The following TNS3 variants were observed in gnomAD, a reference collection of about 807,000 sequenced individuals.
The protein encoded by TNS3 is tensin 3.
In TNS3, 45 loss-of-function variants were observed where a neutral mutation model predicts 140.9. The ratio of observed to expected loss-of-function variants is 0.32; its 90% confidence interval spans 0.25 to 0.41. The LOEUF (loss-of-function observed/expected upper bound fraction) is 0.41, where lower values mean the gene tolerates loss of function less well. Among genes scored for constraint, TNS3 ranks in the 10% least tolerant of loss-of-function variants. TNS3 has a pLI of 1.00. For missense variants in TNS3, 1,716 were observed against 1,906.7 expected (o/e 0.90, Z 1.86); for synonymous variants, 815 against 788.4 (o/e 1.03, Z -0.56).
rs1442160301 is a variant in TNS3, at chr7:47,277,125, C to T, written c.*951G>A. 1 of 152,080 alleles carries T rather than the reference C, an allele frequency of 6.6e-6. No individual in the cohort carries two copies. The highest frequency in any genetic ancestry group is 1.5e-5 in the Non-Finnish European group (1 of 68,018). 9.4% of individuals were successfully genotyped at this position (152,080 alleles called of 1,614,324 possible). A position where few individuals can be genotyped will look rare whatever the true frequency, so the allele number is the denominator to read the frequency against. ...TTGGGCGGCACCGCATATGGGAGAC[C>T]CACAGTCCACTGCACACTCTTTCAG... On this transcript the variant is annotated 3_prime_UTR_variant, in exon 31 of 31. Coordinates refer to ENST00000311160, the MANE Select transcript of TNS3 (RefSeq NM_022748.12).
At chr7:47,470,021 A>C (rs1331972784) in intron 4 of TNS3, among the ~76,000 whole-genome samples, 2 of 151,712 alleles carry the variant, frequency 1.3e-5, no homozygotes, top group African/African-American at 2.4e-5. Context: ...ACACCATGGA[A>C]TACTACAAAC....
At chr7:47,552,419 T>A (rs190681093) in intron 1 of TNS3, among the ~76,000 whole-genome samples, 3 of 152,344 alleles carry the variant, frequency 2.0e-5, no homozygotes, top group African/African-American at 7.2e-5. Flanking sequence ...GATACTCAGT[T>A]TTTTTTAACA....
chr7:47,557,811 A>G (rs1003930907), intron 1 of TNS3, among the ~76,000 whole-genome samples: 1 of 152,264 alleles, frequency 6.6e-6, no homozygotes, highest in Non-Finnish European at 1.5e-5. Flanking sequence ...TCCAACAATG[A>G]ATTATTCCAC....
rs753748871 is a variant in TNS3 at position 47,369,614 on chromosome 7, G to A, written c.1032C>T (p.His344=). 4 of 1,567,978 alleles carry A rather than the reference G, an allele frequency of 2.6e-6. No homozygotes were observed. The highest frequency in any genetic ancestry group is 2.6e-6 in the Non-Finnish European group (3 of 1,156,900). The change falls in exon 17 of 31, where the codon CAC becomes CAT. Residue 344 remains histidine, a synonymous_variant. Coordinates refer to ENST00000311160, the MANE Select transcript of TNS3 (RefSeq NM_022748.12). ...ENLSADGEVL[H]TQGPVDGSLY... ...GGCTGCCATCGACAGGGCCCTGCGT[G>A]TGTAGCACTGCGGGGGAGAAAACCG...
intron 23 of TNS3, among the ~76,000 whole-genome samples, chr7:47,299,461 G>T (rs950895865): frequency 2.0e-5 from 3 of 152,160 alleles, no homozygotes; most frequent in African/African-American, 7.2e-5. Flanking sequence ...TTTTCTCTAA[G>T]TAGGACAAAA....
At chr7:47,385,985 A>G (rs950159615) in intron 16 of TNS3, among the ~76,000 whole-genome samples, 1 of 152,250 alleles carries the variant, frequency 6.6e-6, no homozygotes, top group Non-Finnish European at 1.5e-5. Flanking sequence ...ATCCCAGGTC[A>G]TAAATTAGCT....
intron 16 of TNS3, among the ~76,000 whole-genome samples, chr7:47,389,068 AGAAGAAGAAGAAGAAGAGGAAGAG>A (rs1792299565): frequency 5.0e-5 from 3 of 59,778 alleles, no homozygotes; most frequent in East Asian, 5.3e-4. Context: ...AAGAAGAAGA[AGAAGAAGAAGAAGAAGAGGAAGAG>A]GAAGAGGAAG....
chr7:47,309,822 G>A (rs1786980955), intron 20 of TNS3, among the ~76,000 whole-genome samples: 1 of 152,244 alleles, frequency 6.6e-6, no homozygotes, highest in Non-Finnish European at 1.5e-5. Flanking sequence ...TAGAAAGAGA[G>A]AGCATGTTAA....
At position 47,304,823 on chromosome 7, in the gene TNS3, T is replaced by A. The variant is rs2150726023; in HGVS notation, c.2822+9A>T. Reference sequence around the variant, plus strand: ...AACTTGTGCCAAGTTTAAAGATCCATCTTCTTACCTCTCTCTCCTCTGCCC... The same window carrying A: ...AACTTGTGCCAAGTTTAAAGATCCAACTTCTTACCTCTCTCTCCTCTGCCC... On this transcript the variant is annotated intron_variant, in intron 21 of 30. Transcript: ENST00000311160. The A allele has an allele frequency of 7.4e-7, 1 of 1,350,336 alleles. No homozygotes were observed. Among genetic ancestry groups the A allele is most frequent in the Non-Finnish European group, 9.6e-7 (1 of 1,041,194 alleles). 83.6% of individuals were successfully genotyped at this position (1,350,336 alleles called of 1,614,324 possible).
intron 20 of TNS3, among the ~76,000 whole-genome samples, chr7:47,325,738 C>A (rs1172705759): frequency 6.6e-6 from 1 of 152,180 alleles, no homozygotes; most frequent in African/African-American, 2.4e-5. Context: ...CACAGGACTT[C>A]GAGCCATCCC....
intron 17 of TNS3, among the ~76,000 whole-genome samples, chr7:47,362,615 G>A (rs544860075): frequency 1.1e-4 from 17 of 152,288 alleles, no homozygotes; most frequent in East Asian, 3.9e-4. Flanking sequence ...TCAGAGAGAC[G>A]AGAGCTCTGT....
At position 47,369,558 on chromosome 7, in the gene TNS3, G is replaced by A. The variant is rs1448383299; in HGVS notation, c.1088C>T (p.Ser363Leu). The change falls in exon 17 of 31, where the codon TCG becomes TTG. Residue 363 changes from serine (S) to leucine (L), a missense_variant. Ser to Leu is a moderately radical substitution (Grantham distance 145). Transcript: ENST00000311160. ...GGGGCCACCTGGGATGCCAGGATCC[G>A]AGGAGCTTTTCTTCCTCACCTTCGC... ...LYAKVRKKSSSDPGIPGGPQA... is the reference protein window; with the variant it reads ...LYAKVRKKSSLDPGIPGGPQA... 1.9e-6 allele frequency: 3 copies of A among 1,611,858 alleles called. No homozygotes were observed. Among genetic ancestry groups the A allele is most frequent in the East Asian group, 2.2e-5 (1 of 44,816 alleles).
chr7:47,454,241 C>G (rs1383969564), intron 4 of TNS3, among the ~76,000 whole-genome samples: 1 of 152,196 alleles, frequency 6.6e-6, no homozygotes, highest in Non-Finnish European at 1.5e-5. Flanking sequence ...TCAGACCAGG[C>G]TCAGCTCCAC....
At chr7:47,507,068 C>CG in intron 2 of TNS3, 124 bp from the exon 3 acceptor site, 1 of 732,858 alleles carries the variant, frequency 1.4e-6, no homozygotes, top group Non-Finnish European at 2.0e-6. Context: ...TGGCCTCTCT[C>CG]TGGCACGAGA....
chr7:47,455,010 C>T (rs995836399), intron 4 of TNS3, among the ~76,000 whole-genome samples: 2 of 152,176 alleles, frequency 1.3e-5, no homozygotes, highest in Admixed American at 1.3e-4. Flanking sequence ...CACACAGATC[C>T]CCCTGCAGAG....
intron 1 of TNS3, among the ~76,000 whole-genome samples, chr7:47,529,571 T>C (rs1207650133): frequency 1.3e-5 from 2 of 152,256 alleles, no homozygotes; most frequent in Non-Finnish European, 2.9e-5. Flanking sequence ...AGCATAATTA[T>C]GTTATGAGGA....
chr7:47,363,415 A>G (rs1048154301), intron 17 of TNS3, among the ~76,000 whole-genome samples: 1 of 152,202 alleles, frequency 6.6e-6, no homozygotes, highest in Non-Finnish European at 1.5e-5. Flanking sequence ...GCCTTCACAT[A>G]TAATTTTCAT....
At chr7:47,429,889 A>G (rs1042203641) in intron 8 of TNS3, among the ~76,000 whole-genome samples, 1 of 152,128 alleles carries the variant, frequency 6.6e-6, no homozygotes, top group African/African-American at 2.4e-5. Flanking sequence ...CCTTATAGAT[A>G]CTCAATGCGG....
chr7:47,439,320 G>C (rs1337792187), intron 6 of TNS3, among the ~76,000 whole-genome samples, 167 bp downstream of exon 6: 2 of 152,194 alleles, frequency 1.3e-5, no homozygotes, highest in Non-Finnish European at 2.9e-5. Context: ...CTCCTCCCCA[G>C]GCGTGGCAGC....
Sources: gnomAD v4.1 joint callset for allele counts (sites outside exome capture counted in the v4.1 genomes callset) on GRCh38, gnomAD v4.1.1 for gene constraint, MANE v1.5 for transcripts, NCBI Gene and HGNC (gene_info 2026-07-23, HGNC 2026-07-21) for gene names.